KLHL22: variants seen among roughly 807,000 people sequenced by gnomAD.
The protein encoded by KLHL22 is kelch-like protein 22.
Under a neutral mutation model 60.7 loss-of-function variants are expected in KLHL22, and 18 were observed. The ratio of observed to expected loss-of-function variants is 0.30; its 90% confidence interval spans 0.20 to 0.44. The LOEUF (loss-of-function observed/expected upper bound fraction) is 0.44, where lower values mean the gene tolerates loss of function less well. Ranked by LOEUF, KLHL22 falls within the 20% of genes least tolerant of loss-of-function variation. The probability of loss-of-function intolerance (pLI) is 1.00; values close to 1 mark genes in which losing one functional copy is unlikely to be tolerated. For synonymous variants in KLHL22, 355 were observed against 354.5 expected, an observed-to-expected ratio of 1.00 and a Z score of -0.01; for missense variants, 596 against 852.3, an observed-to-expected ratio of 0.70 and a Z score of 3.74.
intron 4 of KLHL22, among the ~76,000 whole-genome samples, chr22:20,463,521 C>T (rs165809): frequency 0.11 from 16,912 of 152,268 alleles, 1,135 homozygotes; most frequent in South Asian, 0.2. Context: ...GAAGCCAAAA[C>T]ACTCTGGAGA....
intron 2 of KLHL22, among the ~76,000 whole-genome samples, chr22:20,476,660 G>A (rs561731357): frequency 1.1e-4 from 17 of 149,594 alleles, no homozygotes; most frequent in East Asian, 1.1e-3. Flanking sequence ...TGATCCGCCC[G>A]CCTCGGCCTC....
At chr22:20,458,800 A>G (rs1039878543) in intron 4 of KLHL22, among the ~76,000 whole-genome samples, 1 of 151,498 alleles carries the variant, frequency 6.6e-6, no homozygotes, top group African/African-American at 2.4e-5. Flanking sequence ...ACCTCCTCCC[A>G]CCATGCTGCC....
intron 1 of KLHL22, among the ~76,000 whole-genome samples, chr22:20,490,204 C>A (rs1252483645): frequency 6.6e-6 from 1 of 152,192 alleles, no homozygotes; most frequent in Non-Finnish European, 1.5e-5. Flanking sequence ...ATCCTACTTT[C>A]CTCTCCCCAA....
intron 4 of KLHL22, among the ~76,000 whole-genome samples, chr22:20,461,700 T>C (rs1354045888): frequency 1.3e-5 from 2 of 151,388 alleles, no homozygotes. Context: ...GGGTGGCTCA[T>C]GCCTGTAATC....
intron 2 of KLHL22, among the ~76,000 whole-genome samples, chr22:20,484,731 CTTTTT>C (rs10712145): frequency 1.5e-5 from 2 of 137,860 alleles, no homozygotes; most frequent in Non-Finnish European, 1.6e-5. Context: ...TGTGCTCAGC[CTTTTT>C]TTTTTTTTTT....
At chr22:20,476,008 C>A (rs978027023) in intron 2 of KLHL22, among the ~76,000 whole-genome samples, 1 of 152,180 alleles carries the variant, frequency 6.6e-6, no homozygotes, top group African/African-American at 2.4e-5. Context: ...CCCAAATAAA[C>A]CCTCTTGGTA....
chr22:20,488,934 A>T (rs1245038910), intron 2 of KLHL22, 51 bp downstream of exon 2: 2 of 1,560,206 alleles, frequency 1.3e-6, no homozygotes, highest in South Asian at 2.3e-5. Context: ...TTACTAGCAG[A>T]GCCAGGATTA....
chr22:20,482,873 TG>T, intron 2 of KLHL22: 2 of 1,218,294 alleles, frequency 1.6e-6, no homozygotes, highest in Non-Finnish European at 2.4e-6. Context: ...ATCCATTATC[TG>T]GCAGGTGGTG....
At chr22:20,457,035 CCCCTAGTACTGCTAGGGTAT>C (rs1321842801) in intron 5 of KLHL22, among the ~76,000 whole-genome samples, 1 of 135,050 alleles carries the variant, frequency 7.4e-6, no homozygotes, top group Non-Finnish European at 1.6e-5. Flanking sequence ...TGCTAGGGTA[CCCCTAGTACTGCTAGGGTAT>C]GCCCTGTTCT....
intron 3 of KLHL22, among the ~76,000 whole-genome samples, chr22:20,470,498 A>C (rs1396634111): frequency 6.6e-6 from 1 of 152,198 alleles, no homozygotes; most frequent in African/African-American, 2.4e-5. Context: ...TAATTTAAAA[A>C]TTAGCCAGGT....
chr22:20,469,901 C>T (rs1017675062), intron 3 of KLHL22, among the ~76,000 whole-genome samples: 4 of 152,058 alleles, frequency 2.6e-5, no homozygotes, highest in African/African-American at 9.7e-5. Flanking sequence ...TCCTATCAGG[C>T]CTCTGCCTGA....
chr22:20,441,735 C>T lies in KLHL22; in HGVS notation c.*338G>A, dbSNP rs1226097056. ...GAGGGCTACCACGTGCCTCAGCCCC[C>T]CTGCCCAGGCTGCCAGCTCCCAGGT... is the stretch of plus-strand genomic sequence containing the variant. On this transcript the variant is annotated 3_prime_UTR_variant, in exon 7 of 7. Coordinates refer to ENST00000328879, the MANE Select transcript of KLHL22 (RefSeq NM_032775.4). 1 of 252,580 alleles carries T rather than the reference C, an allele frequency of 4.0e-6. No homozygotes were observed. Among genetic ancestry groups the T allele is most frequent in the Non-Finnish European group, 8.0e-6 (1 of 125,756 alleles). 15.6% of individuals were successfully genotyped at this position (252,580 alleles called of 1,614,324 possible).
chr22:20,487,252 C>G (rs1228454238), intron 2 of KLHL22, among the ~76,000 whole-genome samples: 1 of 149,312 alleles, frequency 6.7e-6, no homozygotes, highest in Non-Finnish European at 1.5e-5. Context: ...GGGTCTTGCT[C>G]TGTCACCCAG....
Position 20,442,028 on chromosome 22 carries a change from C to T in KLHL22, c.*45G>A, listed in dbSNP as rs575631531. On this transcript the variant is annotated 3_prime_UTR_variant, in exon 7 of 7. Transcript: ENST00000328879. ...CCTAGGCTGCGTGGGTTTCACTGCCCTGCAGCCCCAGCCTCCCTTCCCTCT... is the reference window on the plus strand; with the variant it reads ...CCTAGGCTGCGTGGGTTTCACTGCCTTGCAGCCCCAGCCTCCCTTCCCTCT... 27 of 1,490,002 alleles carry T rather than the reference C, an allele frequency of 1.8e-5. No homozygotes were observed. In the South Asian group the frequency reaches 3.8e-4, roughly 21 times the overall value. The allele number at this position is 1,490,002 out of a possible 1,614,324, so 92.3% of individuals were successfully genotyped here. A position where few individuals can be genotyped will look rare whatever the true frequency, so the allele number is the denominator to read the frequency against.
intron 2 of KLHL22, chr22:20,483,467 T>C: frequency 4.0e-6 from 3 of 754,030 alleles, no homozygotes; most frequent in South Asian, 1.3e-5. Context: ...TGGTTCTTCT[T>C]CATGAAGAGC....
At chr22:20,470,680 G>A (rs368715249) in intron 3 of KLHL22, among the ~76,000 whole-genome samples, 1 of 149,496 alleles carries the variant, frequency 6.7e-6, no homozygotes, top group African/African-American at 2.5e-5. Context: ...GGATGGATGG[G>A]TGGATGGATG....
chr22:20,467,685 G>T (rs988419418), intron 3 of KLHL22, among the ~76,000 whole-genome samples: 1 of 152,160 alleles, frequency 6.6e-6, no homozygotes, highest in Non-Finnish European at 1.5e-5. Context: ...TTGAGATGGG[G>T]TCTCACTCTG....
chr22:20,465,247 A>G lies in KLHL22; in HGVS notation c.723T>C (p.Leu241=), dbSNP rs1439846797. 1 of 1,613,966 alleles carries G rather than the reference A, an allele frequency of 6.2e-7. No homozygotes were observed. The highest frequency in any genetic ancestry group is 1.1e-5 in the South Asian group (1 of 91,068). ...CCATCAGCGGAAACCGCACTGTCTC[A>G]AGGAGCTTTGGGGGCTCGTGCAGCG... ...QISLHEPPKL[L]ETVRFPLMEA... The change falls in exon 4 of 7, where the codon CTT becomes CTC. Residue 241 remains leucine (L), a synonymous_variant. Coordinates refer to ENST00000328879, the MANE Select transcript of KLHL22 (RefSeq NM_032775.4). This position sits in a 1 kb window ranked among gnomAD's most constrained non-coding sequence, Gnocchi z 4.9.
At chr22:20,446,968 G>A (rs937852279) in intron 5 of KLHL22, among the ~76,000 whole-genome samples, 3 of 152,132 alleles carry the variant, frequency 2.0e-5, no homozygotes, top group African/African-American at 7.2e-5. Context: ...GGAACTCCAA[G>A]AAAATAAAAG....
Sources: allele counts gnomAD v4.1 joint callset (sites outside exome capture counted in the v4.1 genomes callset), GRCh38; gene constraint gnomAD v4.1.1; non-coding constraint Gnocchi (gnomAD v3.1); transcripts MANE v1.5; gene names NCBI Gene and HGNC (gene_info 2026-07-23, HGNC 2026-07-21).